SPACA6: variants seen among roughly 807,000 people sequenced by gnomAD.
SPACA6 encodes the protein sperm acrosome membrane-associated protein 6.
For synonymous variants in SPACA6, 6 were observed against 1.5 expected (o/e 4.05, Z -2.21); for missense variants, 8 against 2.8 (o/e 2.88, Z -1.34).
At chr19:51,690,518 G>C (rs192102178), upstream of SPACA6, among the ~76,000 whole-genome samples, 2 of 152,144 alleles carry the variant, frequency 1.3e-5, no homozygotes, top group African/African-American at 4.8e-5. Flanking sequence ...CAGGGGTTAA[G>C]GGGGCGGGAC....
chr19:51,707,428 G>C (rs1432560850), downstream of SPACA6, among the ~76,000 whole-genome samples: 2 of 151,824 alleles, frequency 1.3e-5, no homozygotes, highest in African/African-American at 4.8e-5. Flanking sequence ...TCAATATGTT[G>C]GCCAGGCTGG....
At chr19:51,711,419 A>G (rs1163281435) in intron 2 of SPACA6, among the ~76,000 whole-genome samples, 1 of 152,218 alleles carries the variant, frequency 6.6e-6, no homozygotes. Flanking sequence ...GAGAAATTAG[A>G]ACCCTCATAC....
At chr19:51,702,943 G>A (rs2083481054) in intron 4 of SPACA6, 78 bp from the exon 5 acceptor site, 2 of 399,184 alleles carry the variant, frequency 5.0e-6, no homozygotes, top group South Asian at 1.3e-4. Context: ...CCGGGAAGCT[G>A]CATGGATCTC....
At chr19:51,696,441 G>C (rs1381461428) in intron 2 of SPACA6, among the ~76,000 whole-genome samples, 1 of 151,968 alleles carries the variant, frequency 6.6e-6, no homozygotes, top group Non-Finnish European at 1.5e-5. Flanking sequence ...GGAAGAGAAA[G>C]GGGTGATAGT....
At chr19:51,708,423 C>T (rs1028197040), downstream of SPACA6, among the ~76,000 whole-genome samples, 6 of 151,906 alleles carry the variant, frequency 3.9e-5, no homozygotes, top group East Asian at 1.9e-4. Context: ...AATATGGGGC[C>T]GAGGGAAGTA....
rs1310105841 is a variant in SPACA6 at position 51,694,538 on chromosome 19, AGCTGGCT to A, written c.280_286del (p.Ala94ProfsTer16). ...ACCCAGATGACCCATGCCCTGCAGG[AGCTGGCT>A]GCTGCCCAGGGTGAGTGTGTGGGGA... On this transcript the variant is annotated frameshift_variant, in exon 2 of 9. Transcript: ENST00000637797. LOFTEE classifies it high-confidence loss of function. The A allele has an allele frequency of 2.5e-6, 1 of 399,488 alleles. No homozygotes were observed. The highest frequency in any genetic ancestry group is 4.4e-6 in the Non-Finnish European group (1 of 226,498). 24.7% of individuals were successfully genotyped at this position (399,488 alleles called of 1,614,324 possible).
chr19:51,710,002 G>A (rs967785759), downstream of SPACA6, among the ~76,000 whole-genome samples: 6 of 152,196 alleles, frequency 3.9e-5, no homozygotes, highest in South Asian at 4.1e-4. Flanking sequence ...ACGTGTGGCC[G>A]TGAAGCATGT....
downstream of SPACA6, among the ~76,000 whole-genome samples, chr19:51,709,937 T>C (rs1297845586): frequency 6.6e-6 from 1 of 152,182 alleles, no homozygotes; most frequent in Non-Finnish European, 1.5e-5. Flanking sequence ...AGTCAAACCC[T>C]CTGCCATGTT....
chr19:51,700,810 G>C (rs2083463147), intron 2 of SPACA6, among the ~76,000 whole-genome samples: 1 of 152,178 alleles, frequency 6.6e-6, no homozygotes. Flanking sequence ...GACAAAAACA[G>C]GGAACTTGGT....
At chr19:51,706,187 G>A (rs1182640666), downstream of SPACA6, among the ~76,000 whole-genome samples, 2 of 151,976 alleles carry the variant, frequency 1.3e-5, no homozygotes, top group African/African-American at 4.8e-5. Context: ...GCCACCCTGC[G>A]GTTTTTCTCT....
Position 51,704,268 on chromosome 19 carries a change from A to C in SPACA6, c.731-2A>C. The C allele has an allele frequency of 2.5e-6, 1 of 400,566 alleles. No homozygotes were observed. The allele number at this position is 400,566 out of a possible 1,614,324, so 24.8% of individuals were successfully genotyped here. On this transcript the variant is annotated splice_acceptor_variant, in intron 7 of 8. Coordinates refer to ENST00000637797, the MANE Select transcript of SPACA6 (RefSeq NM_001316972.2). LOFTEE classifies it high-confidence loss of function. ...GCCTGGCTGACGTGCGCGCCCCCGC[A>C]GTGACGGGCCCGCCCCCGCGGGCGG...
At chr19:51,701,800 T>C (rs2083470581) in intron 3 of SPACA6, 74 bp downstream of exon 3, 1 of 392,430 alleles carries the variant, frequency 2.5e-6, no homozygotes, top group Non-Finnish European at 4.5e-6. Flanking sequence ...TGGCCGGGGA[T>C]GGTGGCTCAC....
At chr19:51,707,115 T>G (rs899613034), downstream of SPACA6, among the ~76,000 whole-genome samples, 1 of 152,228 alleles carries the variant, frequency 6.6e-6, no homozygotes, top group Non-Finnish European at 1.5e-5. Context: ...TCATGTATTT[T>G]CAAGGCACTG....
In SPACA6 at chr19:51,693,448, C is replaced by T. The variant is rs1395059292; in HGVS notation, c.-79C>T. ...CCAACTGAAACCTGACCTCTGACCC[C>T]AGACCACTGGCCCTTCCCCCGCCCT... is the stretch of plus-strand genomic sequence containing the variant. On this transcript the variant is annotated 5_prime_UTR_variant, in exon 1 of 9. Coordinates refer to ENST00000637797, the MANE Select transcript of SPACA6 (RefSeq NM_001316972.2). 6.8e-6 allele frequency: 4 copies of T among 586,108 alleles called. No individual in the cohort carries two copies. The highest frequency in any genetic ancestry group is 1.3e-5 in the Non-Finnish European group (4 of 305,082). 36.3% of individuals were successfully genotyped at this position (586,108 alleles called of 1,614,324 possible). A position where few individuals can be genotyped will look rare whatever the true frequency, so the allele number is the denominator to read the frequency against.
intron 3 of SPACA6, 42 bp downstream of exon 3, chr19:51,701,768 C>T (rs2083470233): frequency 2.5e-6 from 1 of 397,400 alleles, no homozygotes; most frequent in Non-Finnish European, 4.4e-6. Context: ...CACACACACA[C>T]ACAATTAGAA....
At chr19:51,694,577 G>T in intron 2 of SPACA6, 22 bp downstream of exon 2, 1 of 399,604 alleles carries the variant, frequency 2.5e-6, no homozygotes, top group Non-Finnish European at 4.4e-6. Context: ...GGGATGGGGA[G>T]ATGGGAGATG....
At chr19:51,694,173 A>G (rs1006214866) in intron 1 of SPACA6, 3 of 307,628 alleles carry the variant, frequency 9.8e-6, no homozygotes, top group African/African-American at 2.2e-5. Flanking sequence ...AGACCCAGAG[A>G]GGGGAGGATG....
At chr19:51,692,593 G>A (rs751868420), upstream of SPACA6, 5 of 521,880 alleles carry the variant, frequency 9.6e-6, no homozygotes, top group East Asian at 5.5e-5. The surrounding 1 kb of genome is among the most constrained non-coding windows in gnomAD (Gnocchi z 5.6). Context: ...GGGGCCGGGG[G>A]CCCGGACTCC....
chr19:51,707,511 C>T (rs963357807), downstream of SPACA6, among the ~76,000 whole-genome samples: 22 of 152,248 alleles, frequency 1.4e-4, no homozygotes, highest in East Asian at 3.9e-4. Context: ...CGTGAGCCAC[C>T]GCGCCTGGCC....
Sources: gnomAD v4.1 joint callset for allele counts (sites outside exome capture counted in the v4.1 genomes callset) on GRCh38, gnomAD v4.1.1 for gene constraint, Gnocchi (gnomAD v3.1) non-coding constraint, MANE v1.5 for transcripts, NCBI Gene and HGNC (gene_info 2026-07-23, HGNC 2026-07-21) for gene names.